PKHD1L1: variants seen among roughly 807,000 people sequenced by gnomAD.
PKHD1L1 encodes fibrocystin-L.
PKHD1L1 carries 434 observed loss-of-function variants against 462.9 expected under a neutral mutation model. The observed-to-expected ratio is 0.94, with a 90% CI of 0.87 to 1.02. PKHD1L1 has a LOEUF of 1.02. PKHD1L1 is among the 50% of genes least tolerant of loss of function. PKHD1L1 has a pLI of 0.00. For synonymous variants in PKHD1L1, 1,781 were observed against 1,750.0 expected (o/e 1.02, Z -0.44); for missense variants, 5,202 against 5,096.1 (o/e 1.02, Z -0.63).
rs373972265 is a variant in PKHD1L1 at position 109,362,697 on chromosome 8, C to A, written c.73+44C>A. On this transcript the variant is annotated intron_variant, in intron 1 of 77. Transcript: ENST00000378402. ...TAGGCAGGCAAGCAGGAGAGGCCCGCGTAGACACTACCCCTGCTCCCGGGG... is the reference window on the plus strand; with the variant it reads ...TAGGCAGGCAAGCAGGAGAGGCCCGAGTAGACACTACCCCTGCTCCCGGGG... 38 of 1,547,402 alleles carry A rather than the reference C, an allele frequency of 2.5e-5. No homozygotes were observed. The Admixed American group carries it at 7.1e-4, about 29-fold the overall frequency.
In PKHD1L1 at chr8:109,530,171, G is replaced by C; in HGVS notation, c.*81G>C. 1.2e-6 allele frequency: 1 copy of C among 814,510 alleles called. No individual in the cohort carries two copies. Among genetic ancestry groups the C allele is most frequent in the Non-Finnish European group, 1.7e-6 (1 of 580,172 alleles). The allele number at this position is 814,510 out of a possible 1,614,324, so 50.5% of individuals were successfully genotyped here. A position where few individuals can be genotyped will look rare whatever the true frequency, so the allele number is the denominator to read the frequency against. On this transcript the variant is annotated 3_prime_UTR_variant, in exon 78 of 78. Coordinates refer to ENST00000378402, the MANE Select transcript of PKHD1L1 (RefSeq NM_177531.6). ...GTTGGGCAATAGGCAAAAGTCTATA[G>C]CATTTTCATGAAAATATACTAAAAA...
intron 25 of PKHD1L1, among the ~76,000 whole-genome samples, chr8:109,428,647 G>T (rs956777525): frequency 9.2e-5 from 14 of 152,080 alleles, no homozygotes; most frequent in Non-Finnish European, 1.5e-5. Context: ...GTCTCTGCTG[G>T]TGTCTGTGCA....
intron 49 of PKHD1L1, among the ~76,000 whole-genome samples, chr8:109,465,486 A>T (rs1010649093): frequency 1.7e-4 from 26 of 152,160 alleles, no homozygotes; most frequent in African/African-American, 5.8e-4. Flanking sequence ...TGGCACATTG[A>T]TTTTAAATTA....
At chr8:109,429,592 G>T (rs1814975226) in intron 26 of PKHD1L1, 130 bp downstream of exon 26, 5 of 880,148 alleles carry the variant, frequency 5.7e-6, no homozygotes, top group African/African-American at 3.5e-5. Context: ...TCTTAATATT[G>T]ATCAACTTGA....
chr8:109,454,710 ACAT>A lies in PKHD1L1; in HGVS notation c.6745-11_6745-9del, dbSNP rs769294692. On this transcript the variant is annotated splice_polypyrimidine_tract_variant and intron_variant, in intron 44 of 77. Coordinates refer to ENST00000378402, the MANE Select transcript of PKHD1L1 (RefSeq NM_177531.6). ...TTTAATTTTCTGAATGGCATTTGTG[ACAT>A]CTTTTGCAGATTGGAACAGAGACAT... The A allele has an allele frequency of 3.7e-6, 6 of 1,611,504 alleles. No homozygotes were observed. The highest frequency in any genetic ancestry group is 8.5e-7 in the Non-Finnish European group (1 of 1,178,432).
chr8:109,387,303 A>G (rs1812491291), intron 6 of PKHD1L1, among the ~76,000 whole-genome samples: 2 of 152,176 alleles, frequency 1.3e-5, no homozygotes. Flanking sequence ...AGATCAGGTA[A>G]AAAGAATTCT....
At chr8:109,527,218 A>G (rs1382090165) in intron 77 of PKHD1L1, among the ~76,000 whole-genome samples, 198 bp downstream of exon 77, 1 of 152,152 alleles carries the variant, frequency 6.6e-6, no homozygotes, top group African/African-American at 2.4e-5. Flanking sequence ...GTGGTGAAAC[A>G]AGGCTGGGCA....
rs1563744083 is a variant in PKHD1L1 at position 109,406,428 on chromosome 8, C to T, written c.1763C>T (p.Thr588Ile). ...IKPDTVQVIRTQNPQSYVYMV... is the reference protein window; with the variant it reads ...IKPDTVQVIRIQNPQSYVYMV... ...CCGGACACAGTTCAAGTAATAAGAA[C>T]ACAAAATCCCCAGAGCTATGTCTAC... Residue 588 changes from threonine (T) to isoleucine (I), a missense_variant, in exon 17 of 78, where the codon ACA (threonine) becomes ATA (isoleucine). By Grantham distance (89) the Thr-to-Ile change is moderately conservative. Around this residue, in one of 3 missense-constraint regions of PKHD1L1, gnomAD observed 4,497 missense variants for 4,336.8 expected, o/e 1.04. Coordinates refer to ENST00000378402, the MANE Select transcript of PKHD1L1 (RefSeq NM_177531.6). The T allele has an allele frequency of 1.9e-6, 3 of 1,598,102 alleles. No individual in the cohort carries two copies.
intron 55 of PKHD1L1, 87 bp from the exon 56 acceptor site, chr8:109,481,346 T>G (rs546334508): frequency 1.6e-6 from 2 of 1,240,914 alleles, no homozygotes; most frequent in East Asian, 2.7e-5. Context: ...TTACTAGGCT[T>G]CCAGTGACTT....
intron 77 of PKHD1L1, among the ~76,000 whole-genome samples, chr8:109,529,218 C>G (rs1016910199): frequency 9.2e-5 from 14 of 152,120 alleles, no homozygotes; most frequent in African/African-American, 2.7e-4. Context: ...GAAGGAAATC[C>G]TTTCTTCTCT....
intron 1 of PKHD1L1, 116 bp downstream of exon 1, chr8:109,362,769 G>A (rs1471116720): frequency 5.2e-6 from 6 of 1,158,246 alleles, no homozygotes; most frequent in Middle Eastern, 2.4e-4. Flanking sequence ...GGCTGTGGGT[G>A]CGGTTGCATG....
intron 53 of PKHD1L1, among the ~76,000 whole-genome samples, chr8:109,478,128 C>A (rs772582636): frequency 6.6e-6 from 1 of 152,018 alleles, no homozygotes; most frequent in Non-Finnish European, 1.5e-5. Flanking sequence ...CACTGAATAG[C>A]CCACTACTGT....
intron 73 of PKHD1L1, among the ~76,000 whole-genome samples, chr8:109,520,819 C>G (rs775412963): frequency 2.6e-5 from 4 of 152,110 alleles, no homozygotes; most frequent in Non-Finnish European, 5.9e-5. Context: ...AAGTTAAGGT[C>G]TTTGGTTTCT....
At chr8:109,429,858 T>C (rs951430189) in intron 26 of PKHD1L1, 74 bp from the exon 27 acceptor site, 44 of 956,086 alleles carry the variant, frequency 4.6e-5, no homozygotes, top group South Asian at 4.0e-4. Flanking sequence ...TCCATCACTT[T>C]TGTTAAAACC....
chr8:109,433,270 G>T (rs1028087162), intron 28 of PKHD1L1, 54 bp downstream of exon 28: 1 of 1,272,126 alleles, frequency 7.9e-7, no homozygotes, highest in South Asian at 1.2e-5. Flanking sequence ...AGATAAAGTG[G>T]AATCAAAGGG....
At position 109,466,619 on chromosome 8, in the gene PKHD1L1, G is replaced by A; in HGVS notation, c.8455G>A (p.Asp2819Asn). The change falls in exon 50 of 78, where the codon GAC becomes AAC. Residue 2819 changes from aspartate (D) to asparagine (N), a missense_variant. Transcript: ENST00000378402. ...CGTCATTCCACACAGCTCATTGCTA[G>A]ACCCTTCTCATTGTACTCAGGAAGC... Reference protein sequence around the residue: ...HTVIPHSSLLDPSHCTQEAEW... With the variant: ...HTVIPHSSLLNPSHCTQEAEW... 6.2e-7 allele frequency: 1 copy of A among 1,610,044 alleles called. No homozygotes were observed. Among genetic ancestry groups the A allele is most frequent in the East Asian group, 2.2e-5 (1 of 44,684 alleles).
At position 109,459,675 on chromosome 8, in the gene PKHD1L1, T is replaced by C; in HGVS notation, c.7085T>C (p.Leu2362Pro). Residue 2362 changes from leucine (L) to proline (P), a missense_variant, in exon 47 of 78, where the codon CTA becomes CCA. Leu to Pro is a moderately conservative substitution (Grantham distance 98). Around this residue, in one of 3 missense-constraint regions of PKHD1L1, gnomAD observed 4,497 missense variants for 4,336.8 expected, o/e 1.04. Transcript: ENST00000378402. ...ATAAACATAACACTAAGTAACCCAC[T>C]AAATTACACACACTTAGGAATTACG... ...DGINITLSNP[L>P]NYTHLGITVT... is the part of the protein sequence containing the mutation. 6.2e-7 allele frequency: 1 copy of C among 1,610,330 alleles called. No individual in the cohort carries two copies. Among genetic ancestry groups the C allele is most frequent in the Non-Finnish European group, 8.5e-7 (1 of 1,178,052 alleles).
rs764467511 is a variant in PKHD1L1, at chr8:109,491,110, A to G, written c.10114+9A>G. On this transcript the variant is annotated intron_variant, in intron 61 of 77. Coordinates refer to ENST00000378402, the MANE Select transcript of PKHD1L1 (RefSeq NM_177531.6). ...CTTTACAGTGGGGGAAGGTAATATA[A>G]TAATATTTTGGTTCAAATTACACAT... The G allele has an allele frequency of 3.7e-6, 6 of 1,603,054 alleles. No individual in the cohort carries two copies. Among genetic ancestry groups the G allele is most frequent in the Non-Finnish European group, 4.3e-6 (5 of 1,172,804 alleles).
intron 2 of PKHD1L1, among the ~76,000 whole-genome samples, chr8:109,378,737 A>G (rs1408102555): frequency 1.2e-4 from 18 of 152,202 alleles, no homozygotes; most frequent in Admixed American, 1.2e-3. Flanking sequence ...TAGGCAGGAA[A>G]AGTGGTTTGT....
Sources: gnomAD v4.1 joint callset for allele counts (sites outside exome capture counted in the v4.1 genomes callset) on GRCh38, gnomAD v4.1.1 for gene constraint, gnomAD v4.1.1 regional missense constraint, MANE v1.5 for transcripts, NCBI Gene and HGNC (gene_info 2026-07-23, HGNC 2026-07-21) for gene names.